WRAP73: variants seen among roughly 807,000 people sequenced by gnomAD.
WRAP73 encodes WD repeat-containing protein WRAP73.
In WRAP73, 55 loss-of-function variants were observed where a neutral mutation model predicts 59.6. That is an observed-to-expected ratio of 0.92 (90% CI 0.74 to 1.15). The LOEUF (loss-of-function observed/expected upper bound fraction) is 1.15, where lower values mean the gene tolerates loss of function less well. WRAP73 is among the 50% of genes most tolerant of loss of function. The pLI is 0.00. For missense variants in WRAP73, 592 were observed against 608.1 expected, an observed-to-expected ratio of 0.97 and a Z score of 0.28; for synonymous variants, 265 against 258.2, an observed-to-expected ratio of 1.03 and a Z score of -0.25.
chr1:3,649,621 A>G (rs1644721472), intron 1 of WRAP73, among the ~76,000 whole-genome samples: 1 of 141,574 alleles, frequency 7.1e-6, no homozygotes, highest in Admixed American at 6.9e-5. Context: ...TCCGGCCCCC[A>G]TATCTGCTTG....
chr1:3,635,152 G>A lies in WRAP73; in HGVS notation c.738+8C>T. On this transcript the variant is annotated splice_region_variant and intron_variant, in intron 7 of 11. Coordinates refer to ENST00000270708, the MANE Select transcript of WRAP73 (RefSeq NM_017818.4). ...CGGACTTCCTGAGTGCCCTGCACTG[G>A]TTCCCACCTTTCCATCATAGCTCCC... 1 of 1,614,162 alleles carries A rather than the reference G, an allele frequency of 6.2e-7. No individual in the cohort carries two copies. Among genetic ancestry groups the A allele is most frequent in the Non-Finnish European group, 8.5e-7 (1 of 1,180,040 alleles).
At chr1:3,636,705 G>A (rs544794642) in intron 5 of WRAP73, 17 of 442,318 alleles carry the variant, frequency 3.8e-5, no homozygotes, top group Admixed American at 1.8e-4. Flanking sequence ...CCCAACTCCC[G>A]ACGTGGCACA....
At chr1:3,635,389 A>C in intron 6 of WRAP73, 95 bp from the exon 7 acceptor site, 1 of 1,542,180 alleles carries the variant, frequency 6.5e-7, no homozygotes, top group Admixed American at 1.8e-5. Context: ...TGGTGCAGAT[A>C]GCACAAAGCT....
chr1:3,643,231 T>G (rs1644663329), intron 3 of WRAP73, among the ~76,000 whole-genome samples: 1 of 152,220 alleles, frequency 6.6e-6, no homozygotes, highest in African/African-American at 2.4e-5. Context: ...CAAGCCCCTA[T>G]AAATCAACTT....
chr1:3,633,632 C>A (rs1396822376), intron 8 of WRAP73, 129 bp from the exon 9 acceptor site: 2 of 709,448 alleles, frequency 2.8e-6, no homozygotes, highest in Non-Finnish European at 4.6e-6. Context: ...CCTGCTGCCA[C>A]CGGGAGAGAC....
chr1:3,631,979 G>C lies in WRAP73; in HGVS notation c.1048+234C>G, dbSNP rs973937707. ...AGCCCTGCTTTCTACTCAGCAGAGT[G>C]GAGCAAGTGAGCAGGGTGGAGGCCT... On this transcript the variant is annotated intron_variant, in intron 10 of 11. Transcript: ENST00000270708. 2.1e-6 allele frequency: 3 copies of C among 1,417,172 alleles called. No individual in the cohort carries two copies. In the African/African-American group the frequency reaches 4.3e-5, roughly 20 times the overall value. 87.8% of individuals were successfully genotyped at this position (1,417,172 alleles called of 1,614,324 possible). A position where few individuals can be genotyped will look rare whatever the true frequency, so the allele number is the denominator to read the frequency against.
chr1:3,646,678 G>C lies in WRAP73; in HGVS notation c.327C>G (p.Thr109=). Residue 109 remains threonine (T), a synonymous_variant, in exon 3 of 12, where the codon ACC becomes ACG. Transcript: ENST00000270708. The surrounding 1 kb of genome is among the most constrained non-coding windows in gnomAD (Gnocchi z 5.1). ...WSPDGRHILN[T]TEFHLRITVW... ...GGCTGACACTTACATGGAATTCCGTGGTGTTGAGAATGTGGCGCCCGTCCG... is the reference window on the plus strand; with the variant it reads ...GGCTGACACTTACATGGAATTCCGTCGTGTTGAGAATGTGGCGCCCGTCCG... 6.2e-7 allele frequency: 1 copy of C among 1,600,138 alleles called. No homozygotes were observed. Among genetic ancestry groups the C allele is most frequent in the Non-Finnish European group, 8.5e-7 (1 of 1,170,288 alleles).
intron 5 of WRAP73, 72 bp from the exon 6 acceptor site, chr1:3,636,102 G>C (rs891769283): frequency 1.7e-6 from 2 of 1,154,348 alleles, no homozygotes; most frequent in Non-Finnish European, 2.6e-6. Context: ...ATTTATGACT[G>C]ATGTTCTTAA....
chr1:3,637,143 C>T (rs1644596107), intron 4 of WRAP73, 45 bp from the exon 5 acceptor site: 2 of 1,519,364 alleles, frequency 1.3e-6, no homozygotes, highest in Non-Finnish European at 9.0e-7. Flanking sequence ...GCCACAAAAT[C>T]AAGCAAGAGA....
rs775588305 is a variant in WRAP73, at chr1:3,646,782, C to T, written c.223G>A (p.Val75Ile). 44 of 1,610,222 alleles carry T rather than the reference C, an allele frequency of 2.7e-5. 1 individual carries two copies. The Admixed American group carries it at 6.0e-4, about 22-fold the overall frequency. The change falls in exon 3 of 12, where the codon GTC becomes ATC. Residue 75 changes from valine (V) to isoleucine (I), a missense_variant and splice_region_variant. By Grantham distance (29) the Val-to-Ile change is conservative (BLOSUM62 3). Coordinates refer to ENST00000270708, the MANE Select transcript of WRAP73 (RefSeq NM_017818.4). The surrounding 1 kb of genome is among the most constrained non-coding windows in gnomAD (Gnocchi z 5.1). ...CAMYKRGLVQ[V>I]WSLEQPEWHC... ...CATTCGGGCTGCTCTAAAGACCAGA[C>T]CTGGATTGAGAGAAGAAAGAAACAC...
intron 5 of WRAP73, 159 bp downstream of exon 5, chr1:3,636,836 G>A: frequency 1.3e-6 from 1 of 766,724 alleles, no homozygotes; most frequent in Non-Finnish European, 2.2e-6. Flanking sequence ...ACAACCGGGT[G>A]CCACTGGAAG....
chr1:3,647,453 G>C lies in WRAP73; in HGVS notation c.177C>G (p.Asp59Glu). Residue 59 changes from aspartate to glutamate, a missense_variant, in exon 2 of 12, where the codon GAC becomes GAG. Transcript: ENST00000270708. Reference sequence around the variant, plus strand: ...ACATGGCGCACAGGATGAAGAGCGAGTCTGCCGACCACTCGATGTGCTGGA... The same window carrying C: ...ACATGGCGCACAGGATGAAGAGCGACTCTGCCGACCACTCGATGTGCTGGA... The part of the protein sequence containing the change: ...DQIQHIEWSA[D>E]SLFILCAMYK... The C allele has an allele frequency of 6.2e-7, 1 of 1,613,908 alleles. No homozygotes were observed. Among genetic ancestry groups the C allele is most frequent in the Non-Finnish European group, 8.5e-7 (1 of 1,179,912 alleles).
intron 3 of WRAP73, among the ~76,000 whole-genome samples, chr1:3,642,995 C>T (rs1278072818): frequency 2.0e-5 from 3 of 152,180 alleles, no homozygotes; most frequent in Admixed American, 1.3e-4. Context: ...GAAACCCCTC[C>T]GTCTGCTACG....
chr1:3,632,570 AGGTGGGG>A, intron 9 of WRAP73: 1 of 597,726 alleles, frequency 1.7e-6, no homozygotes. Context: ...AGGCCCGACT[AGGTGGGG>A]GGTGGACCCC....
At position 3,636,052 on chromosome 1, in the gene WRAP73, A is replaced by G. The variant is rs376415330; in HGVS notation, c.517-22T>C. ...AATGCTTCCAAAGGAAGGGGGGGAA[A>G]CATTAAATTTGGAAAATATTTTCGT... On this transcript the variant is annotated intron_variant, in intron 5 of 11. Coordinates refer to ENST00000270708, the MANE Select transcript of WRAP73 (RefSeq NM_017818.4). The G allele has an allele frequency of 8.5e-5, 134 of 1,582,676 alleles. 1 individual carries two copies. The highest frequency in any genetic ancestry group is 7.6e-4 in the Admixed American group (45 of 59,118).
In WRAP73 at chr1:3,632,209, T is replaced by C; in HGVS notation, c.1048+4A>G. On this transcript the variant is annotated splice_donor_region_variant and intron_variant, in intron 10 of 11. Transcript: ENST00000270708. Reference sequence around the variant, plus strand: ...GAGACAGCACCTGCGTCAGCACAACTGACCGTTCCTTGTCGCCAGGAAGTA... The same window carrying C: ...GAGACAGCACCTGCGTCAGCACAACCGACCGTTCCTTGTCGCCAGGAAGTA... 6.2e-7 allele frequency: 1 copy of C among 1,612,096 alleles called. No homozygotes were observed. Among genetic ancestry groups the C allele is most frequent in the South Asian group, 1.1e-5 (1 of 90,812 alleles).
chr1:3,632,806 G>A (rs992442306), intron 9 of WRAP73: 12 of 242,112 alleles, frequency 5.0e-5, no homozygotes, highest in Non-Finnish European at 3.3e-5. Context: ...CCTGGGGAGC[G>A]CCTCCTGTGT....
At position 3,631,079 on chromosome 1, in the gene WRAP73, C is replaced by G; in HGVS notation, c.1279G>C (p.Gly427Arg). ...AVLSLCWHLS[G>R]DSMALLSKDH... Reference sequence around the variant, plus strand: ...TTGCTGAGGAGGGCCATCGAGTCTCCGCTTAAATGCCAGCACAGAGAGAGC... The same window carrying G: ...TTGCTGAGGAGGGCCATCGAGTCTCGGCTTAAATGCCAGCACAGAGAGAGC... Residue 427 changes from glycine (G) to arginine (R), a missense_variant, in exon 12 of 12, where the codon GGA becomes CGA. By Grantham distance (125) the Gly-to-Arg change is moderately radical. Transcript: ENST00000270708. 1 of 1,613,350 alleles carries G rather than the reference C, an allele frequency of 6.2e-7. No homozygotes were observed. The highest frequency in any genetic ancestry group is 8.5e-7 in the Non-Finnish European group (1 of 1,180,020).
chr1:3,643,162 C>T (rs1644662677), intron 3 of WRAP73, among the ~76,000 whole-genome samples: 1 of 152,198 alleles, frequency 6.6e-6, no homozygotes, highest in Admixed American at 6.5e-5. Flanking sequence ...CGATGCCTGT[C>T]AACACGGAGG....
Sources: allele counts gnomAD v4.1 joint callset (sites outside exome capture counted in the v4.1 genomes callset), GRCh38; gene constraint gnomAD v4.1.1; non-coding constraint Gnocchi (gnomAD v3.1); transcripts MANE v1.5; gene names NCBI Gene and HGNC (gene_info 2026-07-23, HGNC 2026-07-21).